The following FGF14 variants were observed in gnomAD, a reference collection of about 807,000 sequenced individuals.
FGF14 encodes the protein fibroblast growth factor homologous factor 4.
FGF14 carries 5 observed loss-of-function variants against 25.5 expected under a neutral mutation model. The observed-to-expected ratio is 0.20, with a 90% CI of 0.10 to 0.41. The LOEUF (loss-of-function observed/expected upper bound fraction) is 0.41. Among genes scored for constraint, FGF14 ranks in the 10% least tolerant of loss-of-function variants. The pLI is 1.00. For missense variants in FGF14, 222 were observed against 320.1 expected (o/e 0.69, Z 2.34); for synonymous variants, 138 against 118.3 (o/e 1.17, Z -1.08).
chr13:101,822,796 C>T (rs1306555669), intron 3 of FGF14, among the ~76,000 whole-genome samples: 1 of 152,182 alleles, frequency 6.6e-6, no homozygotes, highest in African/African-American at 2.4e-5. Flanking sequence ...GTATAGTCAC[C>T]ATATTGTGAT....
At chr13:102,001,907 C>T (rs2039517160) in intron 1 of FGF14, among the ~76,000 whole-genome samples, 1 of 151,556 alleles carries the variant, frequency 6.6e-6, no homozygotes, top group African/African-American at 2.4e-5. Context: ...AGGTGGGAAC[C>T]AGAGACCCTG....
intron 1 of FGF14, among the ~76,000 whole-genome samples, chr13:101,928,090 G>A (rs945084900): frequency 6.6e-6 from 1 of 152,184 alleles, no homozygotes; most frequent in Non-Finnish European, 1.5e-5. Flanking sequence ...AGGCCCTGTG[G>A]GCAGAGGCTT....
chr13:101,714,230 G>A lies in FGF14; in HGVS notation c.*8601C>T, dbSNP rs148286699. Reference sequence around the variant, plus strand: ...CATTTGTTCAAGGCTAATTGCAACTGTCTAGATCCATAATGAAGGCTTTCC... The same window carrying A: ...CATTTGTTCAAGGCTAATTGCAACTATCTAGATCCATAATGAAGGCTTTCC... On this transcript the variant is annotated 3_prime_UTR_variant, in exon 5 of 5. Transcript: ENST00000376143. 2.4e-4 allele frequency: 138 copies of A among 575,590 alleles called. No homozygotes were observed. In the East Asian group the frequency reaches 4.0e-3, roughly 17 times the overall value. 35.7% of individuals were successfully genotyped at this position (575,590 alleles called of 1,614,324 possible). A position where few individuals can be genotyped will look rare whatever the true frequency, so the allele number is the denominator to read the frequency against.
At chr13:102,223,268 G>T (rs1375256597) in intron 1 of FGF14, among the ~76,000 whole-genome samples, 1 of 152,172 alleles carries the variant, frequency 6.6e-6, no homozygotes, top group African/African-American at 2.4e-5. Context: ...TAGACATAGA[G>T]ACAGGTATCT....
chr13:102,191,705 T>G (rs1018411299), intron 1 of FGF14, among the ~76,000 whole-genome samples: 6 of 152,180 alleles, frequency 3.9e-5, no homozygotes, highest in Admixed American at 2.6e-4. Flanking sequence ...TCAAAAGTCT[T>G]AACAGATTCC....
intron 3 of FGF14, among the ~76,000 whole-genome samples, chr13:101,808,414 T>C (rs555701286): frequency 6.6e-6 from 1 of 152,250 alleles, no homozygotes; most frequent in African/African-American, 2.4e-5. Flanking sequence ...TTAATTAATT[T>C]CAATCTAATA....
intron 3 of FGF14, among the ~76,000 whole-genome samples, chr13:101,859,940 T>A (rs1207648768): frequency 1.3e-5 from 2 of 152,022 alleles, no homozygotes; most frequent in Admixed American, 6.6e-5. Context: ...AAATACAGTT[T>A]TATCTATTTT....
intron 3 of FGF14, among the ~76,000 whole-genome samples, chr13:101,824,369 T>A (rs3007761): frequency 0.6 from 91,332 of 151,940 alleles, 27,563 homozygotes; most frequent in South Asian, 0.69. Flanking sequence ...GGGTTCTCTG[T>A]GCTTGTTAAT....
rs200541781 is a variant in FGF14, at chr13:102,158,542, GGA to G, written c.208+242927_208+242928del. On this transcript the variant is annotated intron_variant, in intron 1 of 4. Transcript: ENST00000376131. ...TTGTGGGGTGGGGGTAGCGGGGGGGGGATACATTAGGAGATATACCTAATGTT... is the reference window on the plus strand; with the variant it reads ...TTGTGGGGTGGGGGTAGCGGGGGGGGTACATTAGGAGATATACCTAATGTT... Among the ~76,000 whole-genome samples the G allele has an allele frequency of 3.3e-5, 5 of 150,152 alleles. No homozygotes were observed. In the East Asian group the frequency reaches 6.3e-4, roughly 19 times the overall value.
chr13:101,871,693 G>C (rs983131224), intron 2 of FGF14, among the ~76,000 whole-genome samples: 2 of 151,934 alleles, frequency 1.3e-5, no homozygotes, highest in Non-Finnish European at 2.9e-5. Flanking sequence ...CAAAGTGGGG[G>C]GAAAGAAAAC....
intron 1 of FGF14, among the ~76,000 whole-genome samples, chr13:101,890,494 T>C (rs867751555): frequency 1.3e-5 from 2 of 152,136 alleles, no homozygotes; most frequent in African/African-American, 4.8e-5. Flanking sequence ...ATGAAATCTA[T>C]AGCTCCTAAG....
At chr13:101,830,562 G>A (rs1417647715) in intron 3 of FGF14, among the ~76,000 whole-genome samples, 5 of 152,026 alleles carry the variant, frequency 3.3e-5, no homozygotes, top group Non-Finnish European at 1.5e-5. Context: ...TCGTGTATTT[G>A]AACTCTGCTT....
chr13:102,170,848 A>C (rs1594264494), intron 1 of FGF14, among the ~76,000 whole-genome samples: 1 of 152,246 alleles, frequency 6.6e-6, no homozygotes, highest in East Asian at 1.9e-4. Context: ...TATATTTTTC[A>C]GTTCTAACTT....
intron 1 of FGF14, among the ~76,000 whole-genome samples, chr13:102,078,531 G>A (rs907096619): frequency 2.6e-5 from 4 of 152,186 alleles, no homozygotes; most frequent in South Asian, 4.1e-4. Flanking sequence ...AATCTGTATC[G>A]TAATGCAGGA....
At chr13:102,305,096 T>C (rs1302664941) in intron 1 of FGF14, among the ~76,000 whole-genome samples, 1 of 152,184 alleles carries the variant, frequency 6.6e-6, no homozygotes. Context: ...GAAAATTGTG[T>C]AGAAATTCAA....
intron 3 of FGF14, among the ~76,000 whole-genome samples, chr13:101,854,444 C>T (rs867649048): frequency 6.6e-6 from 1 of 152,094 alleles, no homozygotes; most frequent in Admixed American, 6.6e-5. Flanking sequence ...ACCAGGCTTA[C>T]TGCAGAGCTG....
At chr13:102,120,802 C>G (rs1188366916) in intron 1 of FGF14, among the ~76,000 whole-genome samples, 1 of 151,774 alleles carries the variant, frequency 6.6e-6, no homozygotes, top group Non-Finnish European at 1.5e-5. Flanking sequence ...CTTCCAGGCT[C>G]AAGCGATTCT....
At chr13:101,940,852 G>C (rs541684335) in intron 1 of FGF14, among the ~76,000 whole-genome samples, 123 of 152,168 alleles carry the variant, frequency 8.1e-4, no homozygotes, top group African/African-American at 2.9e-3. Flanking sequence ...AATATTGAAA[G>C]AATTTTTTAA....
At chr13:102,014,485 T>C (rs1365964824) in intron 1 of FGF14, among the ~76,000 whole-genome samples, 1 of 152,166 alleles carries the variant, frequency 6.6e-6, no homozygotes, top group African/African-American at 2.4e-5. Context: ...TCATCGCAAG[T>C]GCATTGACTT....
Sources: gnomAD v4.1 joint callset for allele counts (sites outside exome capture counted in the v4.1 genomes callset) on GRCh38, gnomAD v4.1.1 for gene constraint, MANE v1.5 for transcripts, NCBI Gene and HGNC (gene_info 2026-07-23, HGNC 2026-07-21) for gene names.